The following SLC3A2 variants were observed in gnomAD, a reference collection of about 807,000 sequenced individuals.
SLC3A2 encodes the protein amino acid transporter heavy chain SLC3A2.
A neutral mutation model predicts 48.5 loss-of-function variants in SLC3A2; 32 were observed. The ratio of observed to expected loss-of-function variants is 0.66; its 90% CI spans 0.50 to 0.89. The LOEUF (loss-of-function observed/expected upper bound fraction) is 0.89. SLC3A2 is among the 40% of genes least tolerant of loss of function. The pLI, the probability that SLC3A2 is intolerant of heterozygous loss-of-function variation, is 0.00. For synonymous variants in SLC3A2, 277 were observed against 288.8 expected (o/e 0.96, Z 0.41); for missense variants, 587 against 680.7 (o/e 0.86, Z 1.53).
At chr11:62,885,971 G>C (rs976301321) in intron 7 of SLC3A2, among the ~76,000 whole-genome samples, 1 of 152,156 alleles carries the variant, frequency 6.6e-6, no homozygotes. Context: ...AGTTTAGTGA[G>C]GGAGCCAGAT....
rs921536046 is a variant in SLC3A2, at chr11:62,881,320, C to A, written c.297C>A (p.Ala99=). 9.5e-6 allele frequency: 15 copies of A among 1,581,686 alleles called. No individual in the cohort carries two copies. The highest frequency in any genetic ancestry group is 6.9e-5 in the South Asian group (6 of 87,268). Residue 99 remains alanine, a synonymous_variant, in exon 1 of 9, where the codon GCC becomes GCA. Coordinates refer to ENST00000338663, the MANE Select transcript of SLC3A2 (RefSeq NM_001013251.3). This position sits in a 1 kb window ranked among gnomAD's most constrained non-coding sequence, Gnocchi z 4.0. ...GCTGGCTCGGCATGCTTGCTGGTGC[C>A]GTGGTCATAATCGTGCGAGCGCCGC... is the stretch of plus-strand genomic sequence containing the variant. ...WLGWLGMLAG[A]VVIIVRAPRC...
At chr11:62,877,301 T>G (rs915825505), upstream of SLC3A2, among the ~76,000 whole-genome samples, 7 of 152,216 alleles carry the variant, frequency 4.6e-5, no homozygotes, top group African/African-American at 1.4e-4. Flanking sequence ...CCTCAATTGA[T>G]CTGCCTGCCT....
chr11:62,856,471 G>A, intron 1 of SLC3A2: 1 of 1,150,446 alleles, frequency 8.7e-7, no homozygotes. Flanking sequence ...CTTCACTGAA[G>A]ACAGGATCTG....
chr11:62,877,458 C>T (rs551354711), upstream of SLC3A2, among the ~76,000 whole-genome samples: 8 of 152,300 alleles, frequency 5.3e-5, no homozygotes, highest in South Asian at 2.1e-4. Flanking sequence ...ATGCTGCCTC[C>T]GAATAGGCAG....
intron 1 of SLC3A2, among the ~76,000 whole-genome samples, chr11:62,864,044 C>T (rs890322119): frequency 6.6e-6 from 1 of 152,140 alleles, no homozygotes; most frequent in African/African-American, 2.4e-5. Context: ...GGCAGCTTAG[C>T]CGGTATGTGG....
intron 1 of SLC3A2, among the ~76,000 whole-genome samples, chr11:62,868,713 G>A (rs1412860545): frequency 6.6e-6 from 1 of 152,086 alleles, no homozygotes; most frequent in Admixed American, 6.6e-5. Flanking sequence ...TCCTAGAACG[G>A]ATGTACCAAC....
At chr11:62,866,458 C>T (rs899263822) in intron 1 of SLC3A2, among the ~76,000 whole-genome samples, 8 of 151,770 alleles carry the variant, frequency 5.3e-5, no homozygotes, top group Admixed American at 1.3e-4. Flanking sequence ...TGCAGTGGCA[C>T]GATCTTGGCT....
intron 7 of SLC3A2, 60 bp downstream of exon 7, chr11:62,885,668 C>G: frequency 6.3e-7 from 1 of 1,578,570 alleles, no homozygotes; most frequent in Non-Finnish European, 8.7e-7. Flanking sequence ...AATGATGATT[C>G]TGGGGATGGC....
At chr11:62,885,090 C>G (rs1009645496) in intron 5 of SLC3A2, 87 bp from the exon 6 acceptor site, 1 of 1,462,490 alleles carries the variant, frequency 6.8e-7, no homozygotes, top group African/African-American at 1.4e-5. Flanking sequence ...CTCAGCCTCC[C>G]AAAGTGTTGG....
intron 1 of SLC3A2, among the ~76,000 whole-genome samples, chr11:62,856,715 A>G (rs927579572): frequency 3.3e-5 from 5 of 152,242 alleles, no homozygotes; most frequent in Non-Finnish European, 2.9e-5. Flanking sequence ...TGCCTGATCA[A>G]TATGGTTGCA....
chr11:62,856,290 AGCCTCGATC>A lies in SLC3A2; in HGVS notation c.25_33del (p.Ser9_Ala11del). On this transcript the variant is annotated inframe_deletion, in exon 1 of 10. Transcript: ENST00000377889. ...CCTCCATGGAGCTACAGCCTCCTGA[AGCCTCGATC>A]GCCGTCGTGTCGATTCCGCGCCAGT... The A allele has an allele frequency of 1.9e-6, 3 of 1,613,314 alleles. No individual in the cohort carries two copies. The South Asian group carries it at 3.3e-5, about 18-fold the overall frequency.
chr11:62,858,809 G>A (rs1385041141), intron 1 of SLC3A2, among the ~76,000 whole-genome samples: 1 of 152,158 alleles, frequency 6.6e-6, no homozygotes, highest in Non-Finnish European at 1.5e-5. Flanking sequence ...ACAAGGTAAA[G>A]GATTAAGTGC....
At chr11:62,870,722 A>AT (rs763638531) in intron 1 of SLC3A2, 4 of 156,244 alleles carry the variant, frequency 2.6e-5, no homozygotes, top group South Asian at 1.6e-4. Flanking sequence ...TATTATTATT[A>AT]TTATTTTTTT....
At chr11:62,888,292 GC>G in intron 8 of SLC3A2, 38 bp from the exon 9 acceptor site, 1 of 1,609,116 alleles carries the variant, frequency 6.2e-7, no homozygotes, top group Non-Finnish European at 8.5e-7. Context: ...ACCCAGGGGA[GC>G]CCCTCACACG....
Position 62,881,802 on chromosome 11 carries a change from C to A in SLC3A2, c.425-91C>A. 1 of 1,458,320 alleles carries A rather than the reference C, an allele frequency of 6.9e-7. No homozygotes were observed. The highest frequency in any genetic ancestry group is 1.3e-5 in the South Asian group (1 of 79,426). 90.3% of individuals were successfully genotyped at this position (1,458,320 alleles called of 1,614,324 possible). ...CCTCTCTCCCCCTTTGCCCCCTCCC[C>A]GTCCCACCCTTAGGCGCTGGGAGAA... is the stretch of plus-strand genomic sequence containing the variant. On this transcript the variant is annotated intron_variant, in intron 1 of 8. Transcript: ENST00000338663. This position sits in a 1 kb window ranked among gnomAD's most constrained non-coding sequence, Gnocchi z 4.0.
At chr11:62,883,771 G>T in intron 3 of SLC3A2, 1 of 307,036 alleles carries the variant, frequency 3.3e-6, no homozygotes, top group Non-Finnish European at 6.5e-6. Flanking sequence ...GGTACCCTCA[G>T]ATGGAAATGG....
rs1209244504 is a variant in SLC3A2 at position 62,884,700 on chromosome 11, G to A, written c.818+10G>A. The stretch of plus-strand genomic sequence containing the variant: ...GCTTCAGTGAAGACAGGTGGGTGCA[G>A]GAGCCATTCTGCTGACTCAGCTCCA... On this transcript the variant is annotated intron_variant, in intron 5 of 8. Coordinates refer to ENST00000338663, the MANE Select transcript of SLC3A2 (RefSeq NM_001013251.3). 1 of 1,585,668 alleles carries A rather than the reference G, an allele frequency of 6.3e-7. No homozygotes were observed. Among genetic ancestry groups the A allele is most frequent in the African/African-American group, 1.3e-5 (1 of 74,144 alleles).
chr11:62,877,780 G>A (rs1225289207), upstream of SLC3A2, among the ~76,000 whole-genome samples: 1 of 152,268 alleles, frequency 6.6e-6, no homozygotes, highest in Non-Finnish European at 1.5e-5. Context: ...AGGCTGATGT[G>A]GCTGGAGGCT....
At chr11:62,882,114 A>G (rs780407908) in intron 2 of SLC3A2, 48 bp downstream of exon 2, 18 of 1,606,396 alleles carry the variant, frequency 1.1e-5, no homozygotes, top group Non-Finnish European at 1.4e-5. Context: ...GGACTTGGCC[A>G]GAGGAAAAGT....
Sources: gnomAD v4.1 joint callset for allele counts (sites outside exome capture counted in the v4.1 genomes callset) on GRCh38, gnomAD v4.1.1 for gene constraint, Gnocchi (gnomAD v3.1) non-coding constraint, MANE v1.5 for transcripts, NCBI Gene and HGNC (gene_info 2026-07-23, HGNC 2026-07-21) for gene names.